The following MED13L variants were observed in gnomAD, a reference collection of about 807,000 sequenced individuals.
MED13L encodes the protein mediator of RNA polymerase II transcription subunit 13-like.
Under a neutral mutation model 220.9 loss-of-function variants are expected in MED13L, and 7 were observed. That is an observed-to-expected ratio of 0.03 (90% CI 0.02 to 0.06). The LOEUF (loss-of-function observed/expected upper bound fraction) is 0.06, where lower values mean the gene tolerates loss of function less well. Among genes scored for constraint, MED13L ranks in the 10% least tolerant of loss-of-function variants. The pLI is 1.00. For missense variants in MED13L, 1,965 were observed against 2,760.5 expected (o/e 0.71, Z 6.46); for synonymous variants, 1,011 against 1,015.2 (o/e 1.00, Z 0.08).
intron 1 of MED13L, among the ~76,000 whole-genome samples, chr12:116,256,851 A>G (rs1040284608): frequency 6.6e-6 from 1 of 151,948 alleles, no homozygotes; most frequent in African/African-American, 2.4e-5. Context: ...TCGCCCAGCT[A>G]ATTTTTGTAT....
At chr12:116,217,050 A>G (rs529758683) in intron 2 of MED13L, among the ~76,000 whole-genome samples, 3 of 152,172 alleles carry the variant, frequency 2.0e-5, no homozygotes, top group African/African-American at 7.2e-5. Flanking sequence ...TGCTTTGGTG[A>G]TAATTTGGGA....
At chr12:115,970,523 G>GC in intron 27 of MED13L, 71 bp downstream of exon 27, 1 of 1,507,282 alleles carries the variant, frequency 6.6e-7, no homozygotes, top group East Asian at 2.3e-5. Context: ...CCATGCGGCA[G>GC]CCCAGTGATT....
At chr12:116,180,913 T>C (rs1880471369) in intron 2 of MED13L, among the ~76,000 whole-genome samples, 1 of 150,352 alleles carries the variant, frequency 6.7e-6, no homozygotes, top group South Asian at 2.1e-4. Context: ...AACTTGAAAA[T>C]GAGTTATTTC....
chr12:116,123,599 T>A (rs536018569), intron 2 of MED13L, among the ~76,000 whole-genome samples: 1 of 152,154 alleles, frequency 6.6e-6, no homozygotes, highest in African/African-American at 2.4e-5. Flanking sequence ...CACAGAAGCT[T>A]GCTACTAAAA....
At chr12:116,020,113 G>T in intron 5 of MED13L, 141 bp from the exon 6 acceptor site, 1 of 813,170 alleles carries the variant, frequency 1.2e-6, no homozygotes. Flanking sequence ...TTTAAAGTAT[G>T]ATTTAAAAGA....
At chr12:116,140,983 C>T (rs1250547804) in intron 2 of MED13L, among the ~76,000 whole-genome samples, 1 of 152,146 alleles carries the variant, frequency 6.6e-6, no homozygotes, top group Non-Finnish European at 1.5e-5. Flanking sequence ...GTAATTATTT[C>T]ATTATTTGTT....
chr12:116,135,761 A>G (rs1003357379), intron 2 of MED13L, among the ~76,000 whole-genome samples: 1 of 152,222 alleles, frequency 6.6e-6, no homozygotes, highest in Non-Finnish European at 1.5e-5. Flanking sequence ...CTAAAGCAGG[A>G]AGAAACTTTA....
chr12:116,126,808 A>C (rs1251646914), intron 2 of MED13L, among the ~76,000 whole-genome samples: 1 of 152,156 alleles, frequency 6.6e-6, no homozygotes, highest in Non-Finnish European at 1.5e-5. Flanking sequence ...GAATGTGGGA[A>C]AGCCTTCCAA....
At position 116,221,625 on chromosome 12, in the gene MED13L, C is replaced by T. The variant is rs188775664; in HGVS notation, c.310+15843G>A. ...ATTGGTACTATAAAATTAGGCACAA[C>T]GAGCACAAATAAAAATTATTCTATA... On this transcript the variant is annotated intron_variant, in intron 2 of 30. Transcript: ENST00000281928. 3.3e-5 allele frequency among the ~76,000 whole-genome samples: 5 copies of T among 151,986 alleles called. No individual in the cohort carries two copies. In the East Asian group the frequency reaches 7.7e-4, roughly 23 times the overall value.
Position 116,277,577 on chromosome 12 carries a change from G to C in MED13L, c.-446C>G, listed in dbSNP as rs1873989970. 6.7e-6 allele frequency among the ~76,000 whole-genome samples: 1 copy of C among 149,334 alleles called. No individual in the cohort carries two copies. The highest frequency in any genetic ancestry group is 6.6e-5 in the Admixed American group (1 of 15,068). On this transcript the variant is annotated 5_prime_UTR_variant, in exon 1 of 31. Transcript: ENST00000281928. ...AGGGGGGGGTGCGGACGAAGCCAGC[G>C]GGCGACCCCGGCAGCCGAGCGACGT...
chr12:116,002,929 C>A, intron 14 of MED13L, 74 bp downstream of exon 14: 1 of 1,167,546 alleles, frequency 8.6e-7, no homozygotes, highest in South Asian at 1.2e-5. Flanking sequence ...GATAAAGCAC[C>A]ACTAAGTATG....
chr12:116,118,799 C>G (rs1874748126), intron 2 of MED13L, among the ~76,000 whole-genome samples: 1 of 152,134 alleles, frequency 6.6e-6, no homozygotes, highest in African/African-American at 2.4e-5. Flanking sequence ...AAGCACCAGG[C>G]TAAGAACTAG....
At position 116,087,175 on chromosome 12, in the gene MED13L, A is replaced by C. The variant is rs1329205741; in HGVS notation, c.479+9494T>G. On this transcript the variant is annotated intron_variant, in intron 4 of 30. Coordinates refer to ENST00000281928, the MANE Select transcript of MED13L (RefSeq NM_015335.5). ...TACCACCAGTTTCACTACTAATAGCAAACAGCTACCATTACACAATAACCA... is the reference window on the plus strand; with the variant it reads ...TACCACCAGTTTCACTACTAATAGCCAACAGCTACCATTACACAATAACCA... 2.6e-5 allele frequency among the ~76,000 whole-genome samples: 4 copies of C among 152,350 alleles called. No individual in the cohort carries two copies. In the East Asian group the frequency reaches 7.7e-4, roughly 29 times the overall value.
intron 23 of MED13L, among the ~76,000 whole-genome samples, chr12:115,977,513 A>G (rs937795126): frequency 2.6e-5 from 4 of 152,252 alleles, no homozygotes; most frequent in African/African-American, 7.2e-5. Flanking sequence ...TATTCATAGC[A>G]GCATTATTCA....
chr12:116,123,735 C>G (rs920056952), intron 2 of MED13L, among the ~76,000 whole-genome samples: 1 of 152,120 alleles, frequency 6.6e-6, no homozygotes, highest in Non-Finnish European at 1.5e-5. Context: ...CGTTGGCATT[C>G]TCTCCCCACC....
intron 4 of MED13L, among the ~76,000 whole-genome samples, chr12:116,083,887 T>C (rs1482025751): frequency 6.6e-6 from 1 of 152,094 alleles, no homozygotes; most frequent in Non-Finnish European, 1.5e-5. Flanking sequence ...CCTCCTTAGT[T>C]AAAGGAGATC....
At chr12:116,172,999 A>C (rs1411162622) in intron 2 of MED13L, among the ~76,000 whole-genome samples, 1 of 151,498 alleles carries the variant, frequency 6.6e-6, no homozygotes, top group African/African-American at 2.4e-5. Flanking sequence ...CCAGTCCAGG[A>C]GCTAAGATGT....
At chr12:116,020,230 T>A (rs925716784) in intron 5 of MED13L, among the ~76,000 whole-genome samples, 1 of 152,230 alleles carries the variant, frequency 6.6e-6, no homozygotes, top group African/African-American at 2.4e-5. Context: ...CACAAAAGTA[T>A]GATATTTTGA....
chr12:115,982,033 G>A (rs745772530), intron 22 of MED13L: 46 of 207,430 alleles, frequency 2.2e-4, no homozygotes, highest in Admixed American at 4.3e-4. Flanking sequence ...GGAAAATTCC[G>A]TTATCAGACC....
Sources: allele counts gnomAD v4.1 joint callset (sites outside exome capture counted in the v4.1 genomes callset), GRCh38; gene constraint gnomAD v4.1.1; transcripts MANE v1.5; gene names NCBI Gene and HGNC (gene_info 2026-07-23, HGNC 2026-07-21).